DNAH14: variants seen among roughly 807,000 people sequenced by gnomAD.
DNAH14 encodes the protein axonemal beta dynein heavy chain 14.
In DNAH14, 478 loss-of-function variants were observed where a neutral mutation model predicts 520.9. The observed-to-expected ratio is 0.92, with a 90% CI of 0.85 to 0.99. The LOEUF (loss-of-function observed/expected upper bound fraction) is 0.99, where lower values mean the gene tolerates loss of function less well. Ranked by LOEUF, DNAH14 falls within the 50% of genes least tolerant of loss-of-function variation. The pLI is 0.00. For missense variants in DNAH14, 4,831 were observed against 5,234.5 expected, an observed-to-expected ratio of 0.92 and a Z score of 2.38; for synonymous variants, 1,581 against 1,757.2, an observed-to-expected ratio of 0.90 and a Z score of 2.51.
rs570106049 is a variant in DNAH14 at position 225,225,509 on chromosome 1, T to C, written c.6440-5564T>C. On this transcript the variant is annotated intron_variant, in intron 41 of 85. Coordinates refer to ENST00000682510, the MANE Select transcript of DNAH14 (RefSeq NM_001367479.1). ...CATCCAACATTCCACAGGCATCCCA[T>C]ATAGTACCCAAGGACAGGCCATAGT... 6.6e-5 allele frequency among the ~76,000 whole-genome samples: 10 copies of C among 152,182 alleles called. No homozygotes were observed. The South Asian group carries it at 1.5e-3, about 22-fold the overall frequency.
At chr1:225,126,013 TGAA>T (rs905419960) in intron 27 of DNAH14, among the ~76,000 whole-genome samples, 1 of 152,126 alleles carries the variant, frequency 6.6e-6, no homozygotes, top group Non-Finnish European at 1.5e-5. Flanking sequence ...GACTATTTGG[TGAA>T]GAAGATAAGA....
intron 1 of DNAH14, among the ~76,000 whole-genome samples, chr1:224,933,165 T>TTAGGTA (rs1487748197): frequency 6.6e-6 from 1 of 152,050 alleles, no homozygotes; most frequent in Non-Finnish European, 1.5e-5. Flanking sequence ...AAATTTATTT[T>TTAGGTA]TAGGTATTTT....
chr1:225,147,681 T>A (rs961228563), intron 31 of DNAH14, among the ~76,000 whole-genome samples: 3 of 152,202 alleles, frequency 2.0e-5, no homozygotes, highest in Non-Finnish European at 2.9e-5. Flanking sequence ...TGCAGATTTG[T>A]TATATAGGTA....
intron 62 of DNAH14, 53 bp downstream of exon 62, chr1:225,322,876 A>C: frequency 7.0e-7 from 1 of 1,422,656 alleles, no homozygotes; most frequent in Non-Finnish European, 9.4e-7. Flanking sequence ...CTGTGGGATC[A>C]AACAGACCAC....
chr1:225,060,358 G>T (rs1350138405), intron 17 of DNAH14, among the ~76,000 whole-genome samples: 5 of 152,070 alleles, frequency 3.3e-5, no homozygotes, highest in African/African-American at 1.2e-4. Flanking sequence ...TTGGTTTTCA[G>T]CTCCATCATG....
At chr1:225,076,808 A>G (rs1452473302) in intron 17 of DNAH14, among the ~76,000 whole-genome samples, 1 of 148,896 alleles carries the variant, frequency 6.7e-6, no homozygotes, top group South Asian at 2.1e-4. Flanking sequence ...TTTTTTTTTT[A>G]TTATACTTTA....
rs984139400 is a variant in DNAH14 at position 225,307,588 on chromosome 1, C to A, written c.9114+19C>A. 5 of 1,509,004 alleles carry A rather than the reference C, an allele frequency of 3.3e-6. No homozygotes were observed. Among genetic ancestry groups the A allele is most frequent in the Middle Eastern group, 1.7e-4 (1 of 5,858 alleles). 93.5% of individuals were successfully genotyped at this position (1,509,004 alleles called of 1,614,324 possible). A position where few individuals can be genotyped will look rare whatever the true frequency, so the allele number is the denominator to read the frequency against. Reference sequence around the variant, plus strand: ...AACAAAGGTATGTTTGCTTTGAAATCTCTTTTAAAGATTTTATAGTCTAAT... The same window carrying A: ...AACAAAGGTATGTTTGCTTTGAAATATCTTTTAAAGATTTTATAGTCTAAT... On this transcript the variant is annotated intron_variant, in intron 59 of 85. Coordinates refer to ENST00000682510, the MANE Select transcript of DNAH14 (RefSeq NM_001367479.1).
chr1:225,205,843 C>A, intron 39 of DNAH14, 128 bp from the exon 40 acceptor site: 1 of 701,686 alleles, frequency 1.4e-6, no homozygotes, highest in Non-Finnish European at 2.3e-6. Flanking sequence ...AACACATTCA[C>A]TCTAGTGTTT....
chr1:225,104,992 G>A (rs3128672), intron 23 of DNAH14, among the ~76,000 whole-genome samples: 30,700 of 151,896 alleles, frequency 0.2, 6,448 homozygotes, highest in African/African-American at 0.53. Context: ...TGTCAATTTT[G>A]GATCTTTCCT....
chr1:225,290,645 G>A (rs598341), intron 55 of DNAH14, among the ~76,000 whole-genome samples: 5,038 of 38,012 alleles, frequency 0.13, 290 homozygotes, highest in African/African-American at 0.25. Context: ...GTGTGTGTGT[G>A]TGTATATATA....
chr1:224,971,363 T>G (rs2061492557), intron 7 of DNAH14, among the ~76,000 whole-genome samples: 1 of 151,452 alleles, frequency 6.6e-6, no homozygotes, highest in South Asian at 2.1e-4. Context: ...CCTGAGAAAC[T>G]TTTTTTTTGT....
At chr1:225,064,024 T>C (rs1183973281) in intron 17 of DNAH14, among the ~76,000 whole-genome samples, 3 of 152,110 alleles carry the variant, frequency 2.0e-5, no homozygotes, top group African/African-American at 7.2e-5. Context: ...CTTTGGATTT[T>C]GTGTATCTAA....
rs1180150092 is a variant in DNAH14 at position 225,192,567 on chromosome 1, T to C, written c.5671-129T>C. 8.6e-6 allele frequency: 5 copies of C among 584,164 alleles called. No individual in the cohort carries two copies. In the African/African-American group the frequency reaches 9.3e-5, roughly 11 times the overall value. 36.2% of individuals were successfully genotyped at this position (584,164 alleles called of 1,614,324 possible). A position where few individuals can be genotyped will look rare whatever the true frequency, so the allele number is the denominator to read the frequency against. The stretch of plus-strand genomic sequence containing the variant: ...ATATTTACTGTTCCTTGCAACTTGC[T>C]ACCTTTATATAAAATCTTTTTTTGG... On this transcript the variant is annotated intron_variant, in intron 37 of 85. Coordinates refer to ENST00000682510, the MANE Select transcript of DNAH14 (RefSeq NM_001367479.1).
intron 11 of DNAH14, among the ~76,000 whole-genome samples, chr1:225,032,644 G>A (rs978165444): frequency 6.6e-6 from 1 of 152,090 alleles, no homozygotes; most frequent in African/African-American, 2.4e-5. Context: ...TTAGCTCTTT[G>A]AGTAATCGCC....
chr1:224,950,447 T>C (rs937447537), intron 1 of DNAH14, among the ~76,000 whole-genome samples: 6 of 152,234 alleles, frequency 3.9e-5, no homozygotes, highest in African/African-American at 7.2e-5. Flanking sequence ...CCTTAGGAAA[T>C]GTTCTGGTAT....
At chr1:224,982,870 T>TCATA (rs757163428) in intron 8 of DNAH14, among the ~76,000 whole-genome samples, 4 of 152,240 alleles carry the variant, frequency 2.6e-5, no homozygotes, top group African/African-American at 4.8e-5. Flanking sequence ...TTATGGCCTA[T>TCATA]CATATGGTCT....
chr1:225,072,604 G>A (rs977409817), intron 17 of DNAH14, among the ~76,000 whole-genome samples: 7 of 152,214 alleles, frequency 4.6e-5, no homozygotes, highest in African/African-American at 9.7e-5. Flanking sequence ...AAGAAAGAGC[G>A]CATTCTGGCT....
At chr1:225,394,521 T>C (rs1414392893) in intron 84 of DNAH14, among the ~76,000 whole-genome samples, 1 of 152,192 alleles carries the variant, frequency 6.6e-6, no homozygotes, top group African/African-American at 2.4e-5. Context: ...GAAACTATAT[T>C]GCTTTACCTT....
At position 225,147,129 on chromosome 1, in the gene DNAH14, T is replaced by C; in HGVS notation, c.4820T>C (p.Leu1607Pro). 6.5e-7 allele frequency: 1 copy of C among 1,536,108 alleles called. No homozygotes were observed. Among genetic ancestry groups the C allele is most frequent in the Non-Finnish European group, 8.8e-7 (1 of 1,142,410 alleles). The stretch of plus-strand genomic sequence containing the variant: ...ATAGTGAGAAAATTTTTCTTTGGAC[T>C]AGTTCAGTCAGGAGCATGGAGTTGT... ...YKIVRKFFFG[L>P]VQSGAWSCFD... Residue 1607 changes from leucine to proline, a missense_variant, in exon 31 of 86, where the codon CTA becomes CCA. Leu to Pro is a moderately conservative substitution (Grantham distance 98, BLOSUM62 -3). Transcript: ENST00000682510.
Sources: gnomAD v4.1 joint callset for allele counts (sites outside exome capture counted in the v4.1 genomes callset) on GRCh38, gnomAD v4.1.1 for gene constraint, MANE v1.5 for transcripts, NCBI Gene and HGNC (gene_info 2026-07-23, HGNC 2026-07-21) for gene names.